Variants in SHFL observed in about 807,000 individuals in gnomAD.
The protein encoded by SHFL is shiftless antiviral inhibitor of ribosomal frameshifting protein.
Under a neutral mutation model 34.7 loss-of-function variants are expected in SHFL, and 12 were observed. The observed-to-expected ratio is 0.35, with a 90% CI of 0.22 to 0.56. The LOEUF (loss-of-function observed/expected upper bound fraction) is 0.56, where lower values mean the gene tolerates loss of function less well. SHFL is among the 20% of genes least tolerant of loss of function. SHFL has a pLI of 0.88. For missense variants in SHFL, 278 were observed against 411.1 expected, an observed-to-expected ratio of 0.68 and a Z score of 2.80; for synonymous variants, 148 against 156.0, an observed-to-expected ratio of 0.95 and a Z score of 0.38.
chr19:10,086,878 G>A lies in SHFL; in HGVS notation c.22-51G>A, dbSNP rs1287546140. ...GAACGGTGCCTAGAGATGGGGGAGG[G>A]ATGATCCCGTTTCCCCTTCCCCCAC... is the stretch of plus-strand genomic sequence containing the variant. On this transcript the variant is annotated intron_variant, in intron 1 of 7. Coordinates refer to ENST00000253110, the MANE Select transcript of SHFL (RefSeq NM_018381.4). This position sits in a 1 kb window ranked among gnomAD's most constrained non-coding sequence, Gnocchi z 5.2. 33 of 1,605,762 alleles carry A rather than the reference G, an allele frequency of 2.1e-5. 1 individual carries two copies. In the Middle Eastern group the frequency reaches 5.0e-4, roughly 24 times the overall value.
Position 10,086,349 on chromosome 19 carries a change from G to A in SHFL, c.-79G>A. On this transcript the variant is annotated 5_prime_UTR_variant, in exon 1 of 8. Coordinates refer to ENST00000253110, the MANE Select transcript of SHFL (RefSeq NM_018381.4). This position sits in a 1 kb window ranked among gnomAD's most constrained non-coding sequence, Gnocchi z 5.2. ...CGCCCCCTGCCCTGCGCGGCTGCTG[G>A]ACCGACGGGCGCACCCAGGTAGGGG... The A allele has an allele frequency of 8.1e-7, 1 of 1,231,540 alleles. No individual in the cohort carries two copies. The highest frequency in any genetic ancestry group is 1.0e-6 in the Non-Finnish European group (1 of 971,564). 76.3% of individuals were successfully genotyped at this position (1,231,540 alleles called of 1,614,324 possible).
At position 10,086,870 on chromosome 19, in the gene SHFL, G is replaced by C; in HGVS notation, c.22-59G>C. On this transcript the variant is annotated intron_variant, in intron 1 of 7. Transcript: ENST00000253110. The surrounding 1 kb of genome is among the most constrained non-coding windows in gnomAD (Gnocchi z 5.2). ...GGCCGGGAGAACGGTGCCTAGAGATGGGGGAGGGATGATCCCGTTTCCCCT... is the reference window on the plus strand; with the variant it reads ...GGCCGGGAGAACGGTGCCTAGAGATCGGGGAGGGATGATCCCGTTTCCCCT... 6.3e-7 allele frequency: 1 copy of C among 1,594,918 alleles called. No individual in the cohort carries two copies. Among genetic ancestry groups the C allele is most frequent in the Non-Finnish European group, 8.6e-7 (1 of 1,167,970 alleles).
rs769301032 is a variant in SHFL at position 10,092,551 on chromosome 19, A to G, written c.*249A>G. 1.9e-6 allele frequency: 3 copies of G among 1,562,876 alleles called. No homozygotes were observed. Among genetic ancestry groups the G allele is most frequent in the Non-Finnish European group, 2.6e-6 (3 of 1,150,308 alleles). On this transcript the variant is annotated 3_prime_UTR_variant, in exon 8 of 8. Coordinates refer to ENST00000253110, the MANE Select transcript of SHFL (RefSeq NM_018381.4). ...AGAACAACTTGGGCTCCTGCTGACC[A>G]ATGTCCTCTAGGGCCTAGGGGACAG...
chr19:10,087,226 C>G, intron 2 of SHFL, 25 bp from the exon 3 acceptor site: 1 of 1,613,880 alleles, frequency 6.2e-7, no homozygotes. Context: ...AAGGGCCCTT[C>G]CCTTATATGC....
Position 10,086,775 on chromosome 19 carries a change from C to G in SHFL, c.22-154C>G. 9.8e-7 allele frequency: 1 copy of G among 1,020,510 alleles called. No homozygotes were observed. The highest frequency in any genetic ancestry group is 1.6e-5 in the African/African-American group (1 of 61,474). 63.2% of individuals were successfully genotyped at this position (1,020,510 alleles called of 1,614,324 possible). A position where few individuals can be genotyped will look rare whatever the true frequency, so the allele number is the denominator to read the frequency against. On this transcript the variant is annotated intron_variant, in intron 1 of 7. Coordinates refer to ENST00000253110, the MANE Select transcript of SHFL (RefSeq NM_018381.4). The surrounding 1 kb of genome is among the most constrained non-coding windows in gnomAD (Gnocchi z 5.2). ...CGCCCTGTGGGGACTTTGGCTTTTT[C>G]CAGGAAATGCCGTAAAGGGATGAAA...
In SHFL at chr19:10,092,392, C is replaced by T. The variant is rs568782736; in HGVS notation, c.*90C>T. ...GAGCTCAAACCGAGATATGAATGAC[C>T]TTGGGGAGCCATCTGAGGCCAAGAT... On this transcript the variant is annotated 3_prime_UTR_variant, in exon 8 of 8. Coordinates refer to ENST00000253110, the MANE Select transcript of SHFL (RefSeq NM_018381.4). The T allele has an allele frequency of 5.9e-6, 9 of 1,522,996 alleles. No individual in the cohort carries two copies. In the East Asian group the frequency reaches 2.2e-4, roughly 37 times the overall value. 94.3% of individuals were successfully genotyped at this position (1,522,996 alleles called of 1,614,324 possible). A position where few individuals can be genotyped will look rare whatever the true frequency, so the allele number is the denominator to read the frequency against.
Position 10,086,411 on chromosome 19 carries a change from A to T in SHFL, c.-17A>T. ...CGCGCAGTGCGGACCCTCGCGGGGAACTGCGCCGCCGCCACCATGTCTCAG... is the reference window on the plus strand; with the variant it reads ...CGCGCAGTGCGGACCCTCGCGGGGATCTGCGCCGCCGCCACCATGTCTCAG... On this transcript the variant is annotated 5_prime_UTR_variant, in exon 1 of 8. Transcript: ENST00000253110. The surrounding 1 kb of genome is among the most constrained non-coding windows in gnomAD (Gnocchi z 5.2). 1 of 1,335,720 alleles carries T rather than the reference A, an allele frequency of 7.5e-7. No individual in the cohort carries two copies. Among genetic ancestry groups the T allele is most frequent in the Non-Finnish European group, 9.6e-7 (1 of 1,036,392 alleles). The allele number at this position is 1,335,720 out of a possible 1,614,324, so 82.7% of individuals were successfully genotyped here.
chr19:10,091,189 C>T lies in SHFL; in HGVS notation c.385-61C>T. The stretch of plus-strand genomic sequence containing the variant: ...AGCACACTGCTAGCCCTGACCCCAA[C>T]CTCAGACACCTCTGACAATCCTTGG... On this transcript the variant is annotated intron_variant, in intron 5 of 7. Transcript: ENST00000253110. The surrounding 1 kb of genome is among the most constrained non-coding windows in gnomAD (Gnocchi z 8.2). The T allele has an allele frequency of 6.7e-7, 1 of 1,486,296 alleles. No homozygotes were observed. 92.1% of individuals were successfully genotyped at this position (1,486,296 alleles called of 1,614,324 possible). A position where few individuals can be genotyped will look rare whatever the true frequency, so the allele number is the denominator to read the frequency against.
In SHFL at chr19:10,093,196, A is replaced by C. The variant is rs1463093062; in HGVS notation, c.*894A>C. On this transcript the variant is annotated 3_prime_UTR_variant, in exon 8 of 8. Coordinates refer to ENST00000253110, the MANE Select transcript of SHFL (RefSeq NM_018381.4). ...CTCCCCATCCCCCCACCAGGATAAA[A>C]GTCCTGACCTTTGTTCTCTTGACGG... 8 of 1,068,950 alleles carry C rather than the reference A, an allele frequency of 7.5e-6. No homozygotes were observed. In the East Asian group the frequency reaches 1.2e-4, roughly 16 times the overall value. 66.2% of individuals were successfully genotyped at this position (1,068,950 alleles called of 1,614,324 possible).
intron 4 of SHFL, 37 bp from the exon 5 acceptor site, chr19:10,089,861 A>AC (rs761104658): frequency 2.4e-5 from 38 of 1,599,064 alleles, no homozygotes; most frequent in East Asian, 1.8e-4. Context: ...AAGGGGTGAC[A>AC]CCCCCCCACC....
rs767536730 is a variant in SHFL, at chr19:10,091,241, C to G, written c.385-9C>G. 2.5e-6 allele frequency: 4 copies of G among 1,612,612 alleles called. No homozygotes were observed. Among genetic ancestry groups the G allele is most frequent in the Non-Finnish European group, 3.4e-6 (4 of 1,179,006 alleles). ...CCCCTCTCTGTACCTTCCTGCCCAC[C>G]ACCACCAGGTATCCCGGTGCCGGAA... On this transcript the variant is annotated splice_polypyrimidine_tract_variant and intron_variant, in intron 5 of 7. Coordinates refer to ENST00000253110, the MANE Select transcript of SHFL (RefSeq NM_018381.4). The surrounding 1 kb of genome is among the most constrained non-coding windows in gnomAD (Gnocchi z 8.2).
At chr19:10,089,124 G>A in intron 3 of SHFL, 1 of 642,456 alleles carries the variant, frequency 1.6e-6, no homozygotes, top group Non-Finnish European at 2.8e-6. Context: ...AAGAAACTGA[G>A]GCCGAAGTCA....
At position 10,087,581 on chromosome 19, in the gene SHFL, G is replaced by C. The variant is rs555087049; in HGVS notation, c.195+281G>C. 11 of 516,286 alleles carry C rather than the reference G, an allele frequency of 2.1e-5. No individual in the cohort carries two copies. The African/African-American group carries it at 2.1e-4, about 10-fold the overall frequency. 32.0% of individuals were successfully genotyped at this position (516,286 alleles called of 1,614,324 possible). ...GAGCCAGGATTATTGCCATCATAGC[G>C]GGGGCGCAGAGGTCAGAGAAGGCTT... On this transcript the variant is annotated intron_variant, in intron 3 of 7. Coordinates refer to ENST00000253110, the MANE Select transcript of SHFL (RefSeq NM_018381.4).
intron 3 of SHFL, chr19:10,088,993 T>TAATAATAA (rs371123501): frequency 1.7e-4 from 26 of 154,976 alleles, no homozygotes; most frequent in East Asian, 5.4e-4. Context: ...AATAATAATA[T>TAATAATAA]TAGCAGAGAG....
Position 10,091,841 on chromosome 19 carries a change from C to A in SHFL, c.643+211C>A. 1 of 884,660 alleles carries A rather than the reference C, an allele frequency of 1.1e-6. No individual in the cohort carries two copies. The highest frequency in any genetic ancestry group is 1.8e-5 in the South Asian group (1 of 54,568). The allele number at this position is 884,660 out of a possible 1,614,324, so 54.8% of individuals were successfully genotyped here. Reference sequence around the variant, plus strand: ...TGCCTGAGGGTCCCCATGGCCTCTGCCCCCATGGTCTCTGGGTTTGGGGCC... The same window carrying A: ...TGCCTGAGGGTCCCCATGGCCTCTGACCCCATGGTCTCTGGGTTTGGGGCC... On this transcript the variant is annotated intron_variant, in intron 7 of 7. Coordinates refer to ENST00000253110, the MANE Select transcript of SHFL (RefSeq NM_018381.4). The surrounding 1 kb of genome is among the most constrained non-coding windows in gnomAD (Gnocchi z 8.2).
chr19:10,091,813 C>A lies in SHFL; in HGVS notation c.643+183C>A. On this transcript the variant is annotated intron_variant, in intron 7 of 7. Coordinates refer to ENST00000253110, the MANE Select transcript of SHFL (RefSeq NM_018381.4). This position sits in a 1 kb window ranked among gnomAD's most constrained non-coding sequence, Gnocchi z 8.2. ...GGCTCTGAGGTTTCACCCCAGTGGC[C>A]CGTGCCTGAGGGTCCCCATGGCCTC... The A allele has an allele frequency of 4.9e-6, 5 of 1,015,846 alleles. No individual in the cohort carries two copies. The highest frequency in any genetic ancestry group is 7.0e-6 in the Non-Finnish European group (5 of 718,094). 62.9% of individuals were successfully genotyped at this position (1,015,846 alleles called of 1,614,324 possible).
intron 3 of SHFL, 40 bp downstream of exon 3, chr19:10,087,340 G>C (rs752396260): frequency 5.6e-5 from 90 of 1,612,910 alleles, no homozygotes; most frequent in Non-Finnish European, 7.3e-5. Flanking sequence ...CGGGTCACGG[G>C]AGGGAGAGCA....
At position 10,087,288 on chromosome 19, in the gene SHFL, T is replaced by G. The variant is rs748328640; in HGVS notation, c.183T>G (p.Asp61Glu). Residue 61 changes from aspartate to glutamate, a missense_variant, in exon 3 of 8, where the codon GAT becomes GAG. Around this residue, in one of 2 missense-constraint regions of SHFL, gnomAD observed 243 missense variants for 386.2 expected, o/e 0.63. Coordinates refer to ENST00000253110, the MANE Select transcript of SHFL (RefSeq NM_018381.4). ...AAGATGGCCAAGAACTAAGTAACGA[T>G]CTGGATGCCCAGGTAACCTATCCCC... ...KQKDGQELSN[D>E]LDAQDPPEDM... The G allele has an allele frequency of 1.9e-6, 3 of 1,613,980 alleles. No individual in the cohort carries two copies. The highest frequency in any genetic ancestry group is 2.5e-6 in the Non-Finnish European group (3 of 1,179,876).
intron 4 of SHFL, 94 bp downstream of exon 4, chr19:10,089,789 C>T: frequency 1.3e-6 from 2 of 1,554,788 alleles, no homozygotes. Context: ...GGGAGATATT[C>T]ACTGGGGCAG....
Sources: allele counts gnomAD v4.1 joint callset, GRCh38; gene constraint gnomAD v4.1.1; regional missense constraint gnomAD v4.1.1; non-coding constraint Gnocchi (gnomAD v3.1); transcripts MANE v1.5; gene names NCBI Gene and HGNC (gene_info 2026-07-23, HGNC 2026-07-21).